TJP1: variants seen among roughly 807,000 people sequenced by gnomAD.
The protein encoded by TJP1 is tight junction protein 1, also known as tight junction protein ZO-1.
Under a neutral mutation model 194.2 loss-of-function variants are expected in TJP1, and 43 were observed. The observed-to-expected ratio is 0.22, with a 90% CI of 0.17 to 0.29. The LOEUF (loss-of-function observed/expected upper bound fraction) is 0.29. Ranked by LOEUF, TJP1 falls within the 10% of genes least tolerant of loss-of-function variation. The probability of loss-of-function intolerance (pLI) is 1.00; values close to 1 mark genes in which losing one functional copy is unlikely to be tolerated. For synonymous variants in TJP1, 801 were observed against 779.0 expected (o/e 1.03, Z -0.47); for missense variants, 1,971 against 2,185.7 (o/e 0.90, Z 1.96).
At chr15:29,788,340 T>A (rs1183039119) in intron 2 of TJP1, among the ~76,000 whole-genome samples, 2 of 152,214 alleles carry the variant, frequency 1.3e-5, no homozygotes, top group East Asian at 1.9e-4. Flanking sequence ...GTTTTCCCTT[T>A]TGTTGCTTAT....
chr15:29,931,660 G>T (rs934494787), intron 2 of TJP1, among the ~76,000 whole-genome samples: 1 of 152,112 alleles, frequency 6.6e-6, no homozygotes, highest in African/African-American at 2.4e-5. Flanking sequence ...CGCCTAAGGT[G>T]GGAAAGTACT....
At chr15:29,869,166 TG>T (rs2052406905) in intron 2 of TJP1, among the ~76,000 whole-genome samples, 2 of 152,134 alleles carry the variant, frequency 1.3e-5, no homozygotes, top group African/African-American at 4.8e-5. Flanking sequence ...GTTTTCCAAA[TG>T]TAAAAATGAA....
intron 8 of TJP1, chr15:29,759,510 T>C (rs1425846217): frequency 1.3e-5 from 2 of 152,190 alleles, no homozygotes. Flanking sequence ...TCTACTCTCT[T>C]AGCAAATTTC....
At chr15:29,949,517 TCCACCA>T (rs2055497492) in intron 2 of TJP1, among the ~76,000 whole-genome samples, 2 of 20,740 alleles carry the variant, frequency 9.6e-5, no homozygotes, top group African/African-American at 4.4e-4. Context: ...CACCTCCACC[TCCACCA>T]CCACCACCTC....
At chr15:29,872,975 G>A (rs1405308119) in intron 2 of TJP1, among the ~76,000 whole-genome samples, 1 of 152,226 alleles carries the variant, frequency 6.6e-6, no homozygotes, top group Non-Finnish European at 1.5e-5. Context: ...CAGAAGGCTG[G>A]AACAAACACA....
At chr15:29,809,450 G>A (rs762737287) in intron 1 of TJP1, among the ~76,000 whole-genome samples, 23 of 152,180 alleles carry the variant, frequency 1.5e-4, no homozygotes, top group Admixed American at 2.6e-4. Context: ...AGAGGGGAAA[G>A]AGAGAGACAG....
chr15:29,892,790 G>T (rs1457645224), intron 2 of TJP1, among the ~76,000 whole-genome samples: 2 of 152,158 alleles, frequency 1.3e-5, no homozygotes, highest in African/African-American at 4.8e-5. Context: ...CTGCTCATTG[G>T]CAATGCACCT....
intron 2 of TJP1, among the ~76,000 whole-genome samples, chr15:29,924,773 C>T (rs2054473356): frequency 6.7e-6 from 1 of 150,104 alleles, no homozygotes; most frequent in African/African-American, 2.5e-5. Context: ...AACTTGGTTG[C>T]TCTCCTAAAC....
intron 2 of TJP1, among the ~76,000 whole-genome samples, chr15:29,846,101 T>A (rs1301194989): frequency 1.3e-5 from 2 of 152,150 alleles, no homozygotes; most frequent in African/African-American, 4.8e-5. Flanking sequence ...TTTCTTCTCT[T>A]GCCTCCTGAC....
intron 2 of TJP1, among the ~76,000 whole-genome samples, chr15:29,928,736 G>A (rs1056243644): frequency 6.6e-6 from 1 of 152,162 alleles, no homozygotes; most frequent in East Asian, 1.9e-4. Flanking sequence ...GAGGTCAGGA[G>A]ATCGAGACCA....
chr15:29,764,241 T>C (rs117302340), intron 5 of TJP1, among the ~76,000 whole-genome samples: 1 of 152,096 alleles, frequency 6.6e-6, no homozygotes, highest in African/African-American at 2.4e-5. Flanking sequence ...CTGAGGAAGA[T>C]ATACTAAAGT....
At chr15:29,941,187 C>G (rs1370609416) in intron 2 of TJP1, among the ~76,000 whole-genome samples, 1 of 152,210 alleles carries the variant, frequency 6.6e-6, no homozygotes, top group Admixed American at 6.5e-5. Context: ...CTGCCTTTGC[C>G]TTCCCCACCT....
chr15:29,828,404 A>AT (rs1555432994), intron 2 of TJP1, among the ~76,000 whole-genome samples: 13 of 152,076 alleles, frequency 8.5e-5, no homozygotes, highest in Admixed American at 2.0e-4. Context: ...ACAACAAAAA[A>AT]ATATATATAT....
chr15:29,938,823 A>G (rs1200357659), intron 2 of TJP1, among the ~76,000 whole-genome samples: 1 of 152,256 alleles, frequency 6.6e-6, no homozygotes, highest in South Asian at 2.1e-4. Flanking sequence ...AGAATGAAAT[A>G]AAGTATTTTA....
intron 4 of TJP1, among the ~76,000 whole-genome samples, chr15:29,770,467 A>G (rs1425188243): frequency 6.6e-6 from 1 of 151,664 alleles, no homozygotes; most frequent in Non-Finnish European, 1.5e-5. Context: ...GCACTTTGGG[A>G]GGCCGAGGCG....
intron 2 of TJP1, among the ~76,000 whole-genome samples, chr15:29,789,742 T>C (rs373914254): frequency 1.7e-4 from 26 of 152,322 alleles, no homozygotes; most frequent in African/African-American, 5.8e-4. Flanking sequence ...TGTCTTTATT[T>C]GGCAATACAG....
chr15:29,763,333 ATGTCAATAGTAAAAGGATTGCCCC>A (rs2046126545), intron 5 of TJP1, among the ~76,000 whole-genome samples: 1 of 152,246 alleles, frequency 6.6e-6, no homozygotes. Flanking sequence ...TATCAATATA[ATGTCAATAGTAAAAGGATTGCCCC>A]TGGTTCTGTG....
intron 1 of TJP1, among the ~76,000 whole-genome samples, chr15:29,820,341 T>G (rs1468501809): frequency 6.6e-6 from 1 of 152,158 alleles, no homozygotes; most frequent in African/African-American, 2.4e-5. Flanking sequence ...TGGCCTGTTT[T>G]GCTCTATATA....
rs1381925939 is a variant in TJP1 at position 29,766,404 on chromosome 15, T to C, written c.451A>G (p.Ser151Gly). Residue 151 changes from serine (S) to glycine (G), a missense_variant, in exon 5 of 28, where the codon AGT becomes GGT. Ser to Gly is a moderately conservative substitution (Grantham distance 56, BLOSUM62 0). This residue lies in a region of TJP1 where 245 missense variants were observed against 336.6 expected (regional missense o/e 0.73). Coordinates refer to ENST00000614355, the MANE Select transcript of TJP1 (RefSeq NM_001330239.4). ...SGRSGVVNRR[S>G]EKIWPRDRSA... is the part of the protein sequence containing the mutation. ...CTATCCCTCGGCCAAATCTTCTCACTCCTTCTGTTAACCACACCACTCCGG... is the reference window on the plus strand; with the variant it reads ...CTATCCCTCGGCCAAATCTTCTCACCCCTTCTGTTAACCACACCACTCCGG... 1 of 1,614,180 alleles carries C rather than the reference T, an allele frequency of 6.2e-7. No homozygotes were observed.
Sources: gnomAD v4.1 joint callset for allele counts (sites outside exome capture counted in the v4.1 genomes callset) on GRCh38, gnomAD v4.1.1 for gene constraint, gnomAD v4.1.1 regional missense constraint, MANE v1.5 for transcripts, NCBI Gene and HGNC (gene_info 2026-07-23, HGNC 2026-07-21) for gene names.